RNF4: variants seen among roughly 807,000 people sequenced by gnomAD.
The protein encoded by RNF4 is E3 ubiquitin-protein ligase RNF4.
In RNF4, 7 loss-of-function variants were observed where a neutral mutation model predicts 24.3. The ratio of observed to expected loss-of-function variants is 0.29; its 90% CI spans 0.16 to 0.54. RNF4 has a LOEUF of 0.54. Among genes scored for constraint, RNF4 ranks in the 20% least tolerant of loss-of-function variants. The pLI, the probability that RNF4 is intolerant of heterozygous loss-of-function variation, is 0.95. For missense variants in RNF4, 209 were observed against 248.5 expected, an observed-to-expected ratio of 0.84 and a Z score of 1.07; for synonymous variants, 83 against 84.3, an observed-to-expected ratio of 0.98 and a Z score of 0.09.
intron 2 of RNF4, among the ~76,000 whole-genome samples, chr4:2,494,115 A>C (rs1735662983): frequency 6.6e-6 from 1 of 152,184 alleles, no homozygotes. Flanking sequence ...AAGAGTCCTA[A>C]GTGTTTGAAA....
In RNF4 at chr4:2,512,517, G is replaced by C; in HGVS notation, c.294G>C (p.Glu98Asp). 1 of 1,613,950 alleles carries C rather than the reference G, an allele frequency of 6.2e-7. No individual in the cohort carries two copies. Among genetic ancestry groups the C allele is most frequent in the Non-Finnish European group, 8.5e-7 (1 of 1,179,848 alleles). The change falls in exon 6 of 8, where the codon GAG becomes GAC. Residue 98 changes from glutamate to aspartate, a missense_variant. Transcript: ENST00000314289. This position sits in a 1 kb window ranked among gnomAD's most constrained non-coding sequence, Gnocchi z 4.1. ...ADSCVVSSDD[E>D]ELSRDRDVYV... ...GCTGTGTGGTGAGCAGTGACGATGA[G>C]GAGTTGTCCAGGGACAGAGACGTAT...
At chr4:2,502,671 CAA>C (rs774687827) in intron 4 of RNF4, among the ~76,000 whole-genome samples, 16 of 121,590 alleles carry the variant, frequency 1.3e-4, no homozygotes, top group Non-Finnish European at 1.1e-4. Context: ...GACTCCATCT[CAA>C]AAAAAAAAAA....
chr4:2,470,263 T>C (rs1013831854), intron 1 of RNF4, among the ~76,000 whole-genome samples: 1 of 152,216 alleles, frequency 6.6e-6, no homozygotes, highest in Non-Finnish European at 1.5e-5. Flanking sequence ...CAGATGAGGT[T>C]AAGTCCTACC....
intron 1 of RNF4, among the ~76,000 whole-genome samples, chr4:2,476,457 C>T (rs1004850506): frequency 4.6e-5 from 7 of 152,250 alleles, no homozygotes; most frequent in South Asian, 2.1e-4. Context: ...TACAGTGGCA[C>T]GATCTCAGCA....
chr4:2,500,720 T>C lies in RNF4; in HGVS notation c.186T>C (p.Thr62=). 6.2e-7 allele frequency: 1 copy of C among 1,613,906 alleles called. No individual in the cohort carries two copies. Among genetic ancestry groups the C allele is most frequent in the Non-Finnish European group, 8.5e-7 (1 of 1,179,840 alleles). The change falls in exon 4 of 8, where the codon ACT becomes ACC. Residue 62 remains threonine (T), a synonymous_variant. Coordinates refer to ENST00000314289, the MANE Select transcript of RNF4 (RefSeq NM_002938.5). ...ESLEPVVVDL[T]HNDSVVIVDE... Reference sequence around the variant, plus strand: ...TAGAGCCTGTGGTGGTTGATCTGACTCACAATGACTCTGTTGTGGTAAGTG... The same window carrying C: ...TAGAGCCTGTGGTGGTTGATCTGACCCACAATGACTCTGTTGTGGTAAGTG...
At chr4:2,508,514 A>C (rs1288942045) in intron 4 of RNF4, among the ~76,000 whole-genome samples, 2 of 152,164 alleles carry the variant, frequency 1.3e-5, no homozygotes, top group Non-Finnish European at 2.9e-5. Context: ...AGTAATCAAT[A>C]CTGTATTGTC....
At chr4:2,513,544 G>A in intron 7 of RNF4, 126 bp from the exon 8 acceptor site, 1 of 1,134,702 alleles carries the variant, frequency 8.8e-7, no homozygotes, top group Non-Finnish European at 1.3e-6. Context: ...ACCCCTCCCT[G>A]TTGTAGCCTG....
At chr4:2,499,694 A>G (rs1164000508) in intron 3 of RNF4, among the ~76,000 whole-genome samples, 1 of 152,092 alleles carries the variant, frequency 6.6e-6, no homozygotes, top group African/African-American at 2.4e-5. Context: ...TGTCCTTCTC[A>G]CCTTTATCCT....
Position 2,512,004 on chromosome 4 carries a change from G to A in RNF4, c.214+39G>A. The A allele has an allele frequency of 2.5e-6, 4 of 1,595,944 alleles. No homozygotes were observed. The South Asian group carries it at 3.4e-5, about 13-fold the overall frequency. On this transcript the variant is annotated intron_variant, in intron 5 of 7. Transcript: ENST00000314289. This position sits in a 1 kb window ranked among gnomAD's most constrained non-coding sequence, Gnocchi z 4.1. ...TTTCCTTTTTCACTGGGTTTGGAGA[G>A]GAAACTGGCATAGGTGAGAGCCGCG...
At chr4:2,490,199 T>C (rs1279597645) in intron 1 of RNF4, 138 bp from the exon 2 acceptor site, 1 of 335,132 alleles carries the variant, frequency 3.0e-6, no homozygotes, top group Non-Finnish European at 5.5e-6. Flanking sequence ...CTAAGATGAA[T>C]ATAGGATTAA....
intron 2 of RNF4, among the ~76,000 whole-genome samples, chr4:2,495,647 G>C (rs567174285): frequency 9.5e-5 from 14 of 146,782 alleles, no homozygotes; most frequent in African/African-American, 3.0e-4. Flanking sequence ...TTTGGGGGGG[G>C]GTGAGATGGA....
At position 2,497,133 on chromosome 4, in the gene RNF4, A is replaced by G. The variant is rs1735761609; in HGVS notation, c.124+12A>G. ...ACTCGTGGAAACTGGTAAGATTGCC[A>G]GGGACACTACAACTGTGGGGTGTTA... On this transcript the variant is annotated intron_variant, in intron 3 of 7. Coordinates refer to ENST00000314289, the MANE Select transcript of RNF4 (RefSeq NM_002938.5). 2 of 1,579,952 alleles carry G rather than the reference A, an allele frequency of 1.3e-6. No homozygotes were observed. Among genetic ancestry groups the G allele is most frequent in the Admixed American group, 1.8e-5 (1 of 56,464 alleles).
intron 4 of RNF4, among the ~76,000 whole-genome samples, chr4:2,503,232 TTCCC>T (rs1228782375): frequency 1.3e-5 from 2 of 152,176 alleles, no homozygotes; most frequent in African/African-American, 4.8e-5. Flanking sequence ...CTCTCTGAAC[TTCCC>T]TACCTTTCTT....
intron 4 of RNF4, among the ~76,000 whole-genome samples, chr4:2,501,540 G>A (rs1023412021): frequency 1.3e-5 from 2 of 152,224 alleles, no homozygotes; most frequent in Admixed American, 6.5e-5. Context: ...GAGGACACAC[G>A]GAGAAGCTAT....
chr4:2,505,328 C>CTT (rs767549539), intron 4 of RNF4: 1,788 of 140,484 alleles, frequency 0.013, 18 homozygotes, highest in African/African-American at 0.024. Flanking sequence ...CTGCATCTCT[C>CTT]TTTTTTTTTT....
At chr4:2,509,271 G>A (rs1359342030) in intron 4 of RNF4, among the ~76,000 whole-genome samples, 3 of 151,864 alleles carry the variant, frequency 2.0e-5, no homozygotes, top group Non-Finnish European at 2.9e-5. Flanking sequence ...AGGCTGGAGT[G>A]CAATGGCGTG....
chr4:2,506,574 T>TTC (rs1560412995), intron 4 of RNF4, among the ~76,000 whole-genome samples: 58 of 151,814 alleles, frequency 3.8e-4, no homozygotes, highest in African/African-American at 1.1e-3. Flanking sequence ...TCTTCTTCTT[T>TTC]TTTTTTCCCT....
At chr4:2,507,435 G>C (rs1270039140) in intron 4 of RNF4, among the ~76,000 whole-genome samples, 3 of 152,242 alleles carry the variant, frequency 2.0e-5, no homozygotes, top group Admixed American at 2.0e-4. Flanking sequence ...AGTGCCGCAA[G>C]TAACAGGCAT....
chr4:2,497,914 G>C (rs867398359), intron 3 of RNF4, among the ~76,000 whole-genome samples: 1 of 152,090 alleles, frequency 6.6e-6, no homozygotes, highest in African/African-American at 2.4e-5. Context: ...TATTACAGGC[G>C]TGAGCCACTG....
Sources: gnomAD v4.1 joint callset for allele counts (sites outside exome capture counted in the v4.1 genomes callset) on GRCh38, gnomAD v4.1.1 for gene constraint, Gnocchi (gnomAD v3.1) non-coding constraint, MANE v1.5 for transcripts, NCBI Gene and HGNC (gene_info 2026-07-23, HGNC 2026-07-21) for gene names.